KLHL20: variants seen among roughly 807,000 people sequenced by gnomAD.
KLHL20 encodes the protein kelch-like protein 20.
Under a neutral mutation model 69.5 loss-of-function variants are expected in KLHL20, and 29 were observed. The ratio of observed to expected loss-of-function variants is 0.42; its 90% CI spans 0.31 to 0.57. The LOEUF (loss-of-function observed/expected upper bound fraction) is 0.57. KLHL20 is among the 20% of genes least tolerant of loss of function. The probability of loss-of-function intolerance (pLI) is 0.18; values close to 1 mark genes in which losing one functional copy is unlikely to be tolerated. For missense variants in KLHL20, 419 were observed against 776.0 expected (o/e 0.54, Z 5.47); for synonymous variants, 253 against 265.2 (o/e 0.95, Z 0.45).
chr1:173,734,318 T>C (rs756533409), intron 3 of KLHL20, 32 bp downstream of exon 3: 1 of 1,589,260 alleles, frequency 6.3e-7, no homozygotes, highest in Admixed American at 1.7e-5. Context: ...AATGCACCCA[T>C]TTGTTGGAGA....
chr1:173,742,453 GGAGA>G (rs1672847147), intron 3 of KLHL20, among the ~76,000 whole-genome samples: 1 of 151,974 alleles, frequency 6.6e-6, no homozygotes, highest in South Asian at 2.1e-4. Flanking sequence ...TCTGAGAAAG[GGAGA>G]GAGAAGAAAA....
chr1:173,734,071 A>G lies in KLHL20; in HGVS notation c.382A>G (p.Thr128Ala). 6.2e-7 allele frequency: 1 copy of G among 1,614,020 alleles called. No homozygotes were observed. The highest frequency in any genetic ancestry group is 1.3e-5 in the African/African-American group (1 of 74,976). The change falls in exon 3 of 12, where the codon ACC (threonine) becomes GCC (alanine). Residue 128 changes from threonine (T) to alanine (A), a missense_variant. By Grantham distance (58) the Thr-to-Ala change is moderately conservative. This residue lies in a region of KLHL20 where 129 missense variants were observed against 183.6 expected (regional missense o/e 0.70). Coordinates refer to ENST00000209884, the MANE Select transcript of KLHL20 (RefSeq NM_014458.4). ...GGAATTACTGATTGACTTTGCGTAT[A>G]CCTCCCAGATAACAGTAGAAGAGGG... ...AMELLIDFAY[T>A]SQITVEEGNV... is the part of the protein sequence containing the mutation.
intron 2 of KLHL20, among the ~76,000 whole-genome samples, chr1:173,725,474 T>A (rs891258908): frequency 3.9e-5 from 6 of 152,218 alleles, no homozygotes; most frequent in African/African-American, 1.4e-4. Context: ...TAAGGACTTG[T>A]GAAGAACACC....
chr1:173,725,021 G>A (rs1671890626), intron 2 of KLHL20, among the ~76,000 whole-genome samples: 1 of 151,416 alleles, frequency 6.6e-6, no homozygotes, highest in Non-Finnish European at 1.5e-5. Flanking sequence ...CTTTTACCAA[G>A]TTATTTGACT....
Position 173,773,286 on chromosome 1 carries a change from C to CT in KLHL20, c.1296-1011dup, listed in dbSNP as rs1039903845. Among the ~76,000 whole-genome samples the CT allele has an allele frequency of 2.7e-5, 4 of 146,950 alleles. No individual in the cohort carries two copies. The South Asian group carries it at 6.7e-4, about 25-fold the overall frequency. On this transcript the variant is annotated intron_variant, in intron 8 of 11. Coordinates refer to ENST00000209884, the MANE Select transcript of KLHL20 (RefSeq NM_014458.4). The stretch of plus-strand genomic sequence containing the variant: ...CACACACAGCCTTTTTTTTTTTTAT[C>CT]TTTTTTTTAAGTCTCAGCCAGACAC...
Position 173,757,018 on chromosome 1 carries a change from G to A in KLHL20, c.1010G>A (p.Arg337Gln), listed in dbSNP as rs764034819. ...GGAGATGCCATTTCCAGTGTTGAACGATATGATCCACAGACCAATGAATGG... is the reference window on the plus strand; with the variant it reads ...GGAGATGCCATTTCCAGTGTTGAACAATATGATCCACAGACCAATGAATGG... Reference protein sequence around the residue: ...CSGDAISSVERYDPQTNEWRM... With the variant: ...CSGDAISSVEQYDPQTNEWRM... The change falls in exon 7 of 12, where the codon CGA (arginine) becomes CAA (glutamine). Residue 337 changes from arginine to glutamine, a missense_variant. Physicochemically the swap from Arg to Gln is conservative, Grantham distance 43 (BLOSUM62 1). This residue lies in a region of KLHL20 where 24 missense variants were observed against 22.5 expected (regional missense o/e 1.07). Transcript: ENST00000209884. 3.7e-6 allele frequency: 6 copies of A among 1,614,100 alleles called. No individual in the cohort carries two copies. The East Asian group carries it at 8.9e-5, about 24-fold the overall frequency.
chr1:173,759,698 T>A (rs1673707131), intron 7 of KLHL20, among the ~76,000 whole-genome samples: 1 of 152,088 alleles, frequency 6.6e-6, no homozygotes, highest in South Asian at 2.1e-4. Flanking sequence ...AAGGGAACAC[T>A]TCGTGGAACA....
At chr1:173,775,053 T>C (rs1648368497) in intron 9 of KLHL20, among the ~76,000 whole-genome samples, 2 of 152,148 alleles carry the variant, frequency 1.3e-5, no homozygotes, top group African/African-American at 4.8e-5. Context: ...TCCAGTGATC[T>C]GCCCACCTCA....
chr1:173,737,205 T>C (rs1289518151), intron 3 of KLHL20, among the ~76,000 whole-genome samples: 1 of 152,284 alleles, frequency 6.6e-6, no homozygotes, highest in Non-Finnish European at 1.5e-5. Flanking sequence ...TTATTTCTTT[T>C]GCTGTGCAGA....
At chr1:173,727,729 C>G (rs1013258844) in intron 2 of KLHL20, among the ~76,000 whole-genome samples, 1 of 151,986 alleles carries the variant, frequency 6.6e-6, no homozygotes, top group Non-Finnish European at 1.5e-5. Flanking sequence ...CAGACCTGCC[C>G]GAAAAGAGCT....
chr1:173,736,904 T>G (rs1376757992), intron 3 of KLHL20, among the ~76,000 whole-genome samples: 1 of 152,144 alleles, frequency 6.6e-6, no homozygotes, highest in Admixed American at 6.5e-5. Context: ...CCTATGTTTT[T>G]ATTTTTTAAA....
At chr1:173,742,971 T>TA (rs925464225) in intron 3 of KLHL20, among the ~76,000 whole-genome samples, 3 of 150,742 alleles carry the variant, frequency 2.0e-5, no homozygotes, top group Non-Finnish European at 4.4e-5. Flanking sequence ...CATCATGAAC[T>TA]AAAAAATCAA....
At chr1:173,783,866 C>CAA (rs112477998) in intron 11 of KLHL20, among the ~76,000 whole-genome samples, 3 of 127,240 alleles carry the variant, frequency 2.4e-5, no homozygotes, top group Admixed American at 8.1e-5. Flanking sequence ...GACTCCGTCT[C>CAA]AAAAAAAAAA....
intron 3 of KLHL20, chr1:173,741,995 G>A (rs1672828205): frequency 3.4e-6 from 2 of 588,628 alleles, no homozygotes; most frequent in Admixed American, 2.9e-5. Flanking sequence ...AAAAAAAATT[G>A]TAACTTGTAT....
intron 2 of KLHL20, among the ~76,000 whole-genome samples, chr1:173,727,945 C>T (rs1672059595): frequency 6.8e-6 from 1 of 147,760 alleles, no homozygotes; most frequent in Non-Finnish European, 1.5e-5. Flanking sequence ...AATTAAAAGA[C>T]ACAGACTGGC....
rs1259578636 is a variant in KLHL20 at position 173,782,153 on chromosome 1, C to T, written c.1668C>T (p.Leu556=). The T allele has an allele frequency of 1.9e-6, 3 of 1,614,088 alleles. No homozygotes were observed. Among genetic ancestry groups the T allele is most frequent in the Non-Finnish European group, 2.5e-6 (3 of 1,179,958 alleles). ...GVGLAVVNGQ[L]MAVGGFDGTT... is the part of the protein sequence containing the mutation. ...GCCTGGCAGTGGTCAATGGACAGCT[C>T]ATGGCAGTAGGAGGTTTTGATGGCA... is the stretch of plus-strand genomic sequence containing the variant. Residue 556 remains leucine (L), a synonymous_variant, in exon 11 of 12, where the codon CTC becomes CTT. Transcript: ENST00000209884.
At chr1:173,722,092 C>T (rs1342967724) in intron 2 of KLHL20, among the ~76,000 whole-genome samples, 1 of 152,040 alleles carries the variant, frequency 6.6e-6, no homozygotes, top group Non-Finnish European at 1.5e-5. Context: ...AAGCACTTGT[C>T]ACACATGTCA....
At position 173,773,969 on chromosome 1, in the gene KLHL20, C is replaced by T. The variant is rs143113572; in HGVS notation, c.1296-336C>T. Among the ~76,000 whole-genome samples the T allele has an allele frequency of 2.8e-3, 399 of 144,544 alleles. 2 individuals carry two copies. The highest frequency in any genetic ancestry group is 9.4e-3 in the African/African-American group (363 of 38,582). 94.8% of individuals were successfully genotyped at this position (144,544 alleles called of 152,430 possible). On this transcript the variant is annotated intron_variant, in intron 8 of 11. Transcript: ENST00000209884. ...CGGAGCTTGCAGTGAGCTGAGATCA[C>T]GCCACTTGCACTCCAGCCTGGGCGA...
chr1:173,718,310 G>A (rs961866240), intron 2 of KLHL20, among the ~76,000 whole-genome samples: 1 of 151,444 alleles, frequency 6.6e-6, no homozygotes, highest in Non-Finnish European at 1.5e-5. Flanking sequence ...AGGCTGAGGT[G>A]GGCTGATCCC....
Sources: allele counts gnomAD v4.1 joint callset (sites outside exome capture counted in the v4.1 genomes callset), GRCh38; gene constraint gnomAD v4.1.1; regional missense constraint gnomAD v4.1.1; transcripts MANE v1.5; gene names NCBI Gene and HGNC (gene_info 2026-07-23, HGNC 2026-07-21).